GRK5: variants seen among roughly 807,000 people sequenced by gnomAD.
The protein encoded by GRK5 is g protein-coupled receptor kinase GRK5.
In GRK5, 40 loss-of-function variants were observed where a neutral mutation model predicts 78.4. The observed-to-expected ratio is 0.51, with a 90% CI of 0.40 to 0.66. The LOEUF (loss-of-function observed/expected upper bound fraction) is 0.66, where lower values mean the gene tolerates loss of function less well. GRK5 is among the 30% of genes least tolerant of loss of function. The pLI, the probability that GRK5 is intolerant of heterozygous loss-of-function variation, is 0.00. For missense variants in GRK5, 598 were observed against 759.9 expected, an observed-to-expected ratio of 0.79 and a Z score of 2.50; for synonymous variants, 289 against 296.8, an observed-to-expected ratio of 0.97 and a Z score of 0.27.
chr10:119,261,145 G>C (rs1302870417), intron 1 of GRK5, among the ~76,000 whole-genome samples: 1 of 150,578 alleles, frequency 6.6e-6, no homozygotes, highest in African/African-American at 2.5e-5. Flanking sequence ...TTCAGACGGG[G>C]CGGCTGCCGG....
At chr10:119,444,102 G>A (rs1388432421) in intron 12 of GRK5, among the ~76,000 whole-genome samples, 2 of 152,168 alleles carry the variant, frequency 1.3e-5, no homozygotes, top group African/African-American at 4.8e-5. Flanking sequence ...GCAACCTTGG[G>A]CCAAGCCCCG....
intron 1 of GRK5, among the ~76,000 whole-genome samples, chr10:119,273,771 CA>C (rs1289240483): frequency 6.6e-6 from 1 of 152,122 alleles, no homozygotes; most frequent in African/African-American, 2.4e-5. Flanking sequence ...CTCCTTCCCT[CA>C]ATCCTATGTG....
chr10:119,454,912 G>T, intron 15 of GRK5, 57 bp from the exon 16 acceptor site: 1 of 1,169,582 alleles, frequency 8.6e-7, no homozygotes. Flanking sequence ...CCATCCCCAG[G>T]GCTCCCAGGA....
chr10:119,223,198 T>C (rs1329759426), intron 1 of GRK5, among the ~76,000 whole-genome samples: 2 of 152,220 alleles, frequency 1.3e-5, no homozygotes, highest in East Asian at 1.9e-4. Flanking sequence ...CTTCCTCTTG[T>C]GCATCTGTCC....
chr10:119,407,876 T>G (rs1001070408), intron 4 of GRK5, among the ~76,000 whole-genome samples: 1 of 151,640 alleles, frequency 6.6e-6, no homozygotes, highest in African/African-American at 2.4e-5. Flanking sequence ...AAAAGAAAAC[T>G]TGGGGGGCTG....
At chr10:119,400,586 A>G (rs1332460390) in intron 4 of GRK5, among the ~76,000 whole-genome samples, 1 of 151,550 alleles carries the variant, frequency 6.6e-6, no homozygotes, top group East Asian at 2.0e-4. Context: ...GAGGTAGGAA[A>G]GCGCACAGGA....
Position 119,458,061 on chromosome 10 carries a change from T to C in GRK5, c.*2994T>C, listed in dbSNP as rs1415951314. The stretch of plus-strand genomic sequence containing the variant: ...ACAACACTGTCCACCCATCTACCTG[T>C]CCAGGATAAGGCATATTTGGACGGT... On this transcript the variant is annotated 3_prime_UTR_variant, in exon 16 of 16. Transcript: ENST00000392870. 1 of 152,258 alleles carries C rather than the reference T, an allele frequency of 6.6e-6. No individual in the cohort carries two copies. The allele number at this position is 152,258 out of a possible 1,614,324, so 9.4% of individuals were successfully genotyped here. A position where few individuals can be genotyped will look rare whatever the true frequency, so the allele number is the denominator to read the frequency against.
chr10:119,289,394 A>C, intron 1 of GRK5, among the ~76,000 whole-genome samples: 1 of 152,156 alleles, frequency 6.6e-6, no homozygotes, highest in East Asian at 1.9e-4. Context: ...CCTTGGCAGG[A>C]AGTGCTTAAT....
intron 1 of GRK5, among the ~76,000 whole-genome samples, chr10:119,209,251 AC>A (rs1218749024): frequency 6.6e-6 from 1 of 152,054 alleles, no homozygotes; most frequent in Non-Finnish European, 1.5e-5. Flanking sequence ...CAGCAACTCA[AC>A]CCGGCATTCG....
At chr10:119,261,913 G>GGGGAGA (rs142546925) in intron 1 of GRK5, among the ~76,000 whole-genome samples, 103 of 151,828 alleles carry the variant, frequency 6.8e-4, no homozygotes, top group South Asian at 1.9e-3. Flanking sequence ...GGGAGACCAT[G>GGGGAGA]GGGAGAGGGA....
intron 2 of GRK5, among the ~76,000 whole-genome samples, chr10:119,371,313 G>A (rs190595070): frequency 9.1e-4 from 139 of 152,338 alleles, no homozygotes; most frequent in Non-Finnish European, 1.7e-3. Context: ...AAGCTGGGCC[G>A]CCCTCACTGC....
At chr10:119,382,532 ATCT>A (rs1396575264) in intron 3 of GRK5, among the ~76,000 whole-genome samples, 5 of 152,138 alleles carry the variant, frequency 3.3e-5, no homozygotes, top group African/African-American at 1.2e-4. Flanking sequence ...CTCATGGCCA[ATCT>A]TCTTTCATCC....
intron 2 of GRK5, among the ~76,000 whole-genome samples, chr10:119,348,104 C>T (rs925491164): frequency 2.6e-5 from 4 of 152,202 alleles, no homozygotes; most frequent in African/African-American, 9.7e-5. Context: ...GGCTGCACAC[C>T]GTAGGTGCTT....
intron 1 of GRK5, among the ~76,000 whole-genome samples, chr10:119,323,088 A>G (rs145863022): frequency 1.1e-4 from 17 of 152,374 alleles, no homozygotes; most frequent in Non-Finnish European, 1.9e-4. Context: ...CGAGGTATCT[A>G]GAGTAGTCAC....
At chr10:119,441,217 C>T (rs1853027971) in intron 10 of GRK5, among the ~76,000 whole-genome samples, 1 of 152,236 alleles carries the variant, frequency 6.6e-6, no homozygotes, top group Non-Finnish European at 1.5e-5. Flanking sequence ...TGACTGTCAG[C>T]CCCCACCGAG....
intron 4 of GRK5, among the ~76,000 whole-genome samples, chr10:119,406,920 T>C (rs1852249437): frequency 1.3e-5 from 2 of 152,228 alleles, no homozygotes; most frequent in South Asian, 4.1e-4. Flanking sequence ...GAGCTACTAC[T>C]GTAGCCTAGA....
chr10:119,394,113 GGGGTGTGT>G (rs1210938186), intron 3 of GRK5, among the ~76,000 whole-genome samples: 1 of 38,702 alleles, frequency 2.6e-5, no homozygotes, highest in African/African-American at 6.4e-5. Context: ...GTCTGTGTGG[GGGGTGTGT>G]GTGTGTGTGT....
chr10:119,234,516 G>A (rs1848886071), intron 1 of GRK5, among the ~76,000 whole-genome samples: 1 of 152,100 alleles, frequency 6.6e-6, no homozygotes, highest in South Asian at 2.1e-4. Flanking sequence ...GTACATTTGG[G>A]GGTTACTTTT....
intron 1 of GRK5, among the ~76,000 whole-genome samples, chr10:119,223,095 G>A (rs891189234): frequency 6.6e-6 from 1 of 152,218 alleles, no homozygotes; most frequent in African/African-American, 2.4e-5. Flanking sequence ...ATCAAGGTGT[G>A]TGCAGGGCCG....
Sources: gnomAD v4.1 joint callset for allele counts (sites outside exome capture counted in the v4.1 genomes callset) on GRCh38, gnomAD v4.1.1 for gene constraint, MANE v1.5 for transcripts, NCBI Gene and HGNC (gene_info 2026-07-23, HGNC 2026-07-21) for gene names.